JADE2: variants seen among roughly 807,000 people sequenced by gnomAD.
JADE2 encodes jade family PHD finger 2.
A neutral mutation model predicts 85.7 loss-of-function variants in JADE2; 13 were observed. The ratio of observed to expected loss-of-function variants is 0.15; its 90% CI spans 0.10 to 0.24. The LOEUF (loss-of-function observed/expected upper bound fraction) is 0.24. Ranked by LOEUF, JADE2 falls within the 10% of genes least tolerant of loss-of-function variation. The pLI, the probability that JADE2 is intolerant of heterozygous loss-of-function variation, is 1.00. For missense variants in JADE2, 846 were observed against 1,115.9 expected (o/e 0.76, Z 3.45); for synonymous variants, 440 against 456.1 (o/e 0.96, Z 0.45).
chr5:134,566,325 C>G lies in JADE2; in HGVS notation c.1179C>G (p.Arg393=). 1 of 1,614,048 alleles carries G rather than the reference C, an allele frequency of 6.2e-7. No individual in the cohort carries two copies. Among genetic ancestry groups the G allele is most frequent in the Non-Finnish European group, 8.5e-7 (1 of 1,180,026 alleles). ...AGEDLEKVTL[R]KQRLQQLEED... ...AGGACCTGGAAAAGGTGACCCTGCG[C>G]AAGCAGCGGCTGCAGCAGCTAGAGG... The change falls in exon 9 of 12, where the codon CGC becomes CGG. Residue 393 remains arginine (R), a synonymous_variant. Coordinates refer to ENST00000681547, the MANE Select transcript of JADE2 (RefSeq NM_001388185.1). The surrounding 1 kb of genome is among the most constrained non-coding windows in gnomAD (Gnocchi z 6.7).
intron 1 of JADE2, among the ~76,000 whole-genome samples, chr5:134,531,837 G>A (rs1322905845): frequency 7.1e-6 from 1 of 140,038 alleles, no homozygotes; most frequent in African/African-American, 2.6e-5. Context: ...CACCCACTTT[G>A]GTCTCCCAAA....
At chr5:134,571,484 G>A (rs1373076771) in intron 9 of JADE2, among the ~76,000 whole-genome samples, 2 of 152,186 alleles carry the variant, frequency 1.3e-5, no homozygotes, top group Non-Finnish European at 2.9e-5. Context: ...GGATCAGGAG[G>A]TCAGGAGTTC....
At chr5:134,534,015 G>A (rs1384804964) in intron 1 of JADE2, among the ~76,000 whole-genome samples, 1 of 152,108 alleles carries the variant, frequency 6.6e-6, no homozygotes, top group Non-Finnish European at 1.5e-5. Context: ...CAAAGTGCTG[G>A]GATTACAGGT....
chr5:134,572,096 G>A (rs1466055119), intron 9 of JADE2, among the ~76,000 whole-genome samples: 1 of 152,280 alleles, frequency 6.6e-6, no homozygotes, highest in Non-Finnish European at 1.5e-5. Flanking sequence ...GCTTAAGGGT[G>A]TGGGGGAAGG....
rs377699524 is a variant in JADE2, at chr5:134,557,237, G to T, written c.312-2593G>T. 1.3e-3 allele frequency among the ~76,000 whole-genome samples: 173 copies of T among 129,492 alleles called. 1 individual carries two copies. The East Asian group carries it at 0.022, about 17-fold the overall frequency. The allele number at this position is 129,492 out of a possible 152,430, so 85.0% of individuals were successfully genotyped here. ...GATGATGATGATTATTATTTTTTTT[G>T]TTGTTGTTGTTTTCAAGCTTTTATT... On this transcript the variant is annotated intron_variant, in intron 4 of 11. Transcript: ENST00000681547.
chr5:134,527,063 C>T (rs1190606128), intron 1 of JADE2, among the ~76,000 whole-genome samples: 1 of 152,178 alleles, frequency 6.6e-6, no homozygotes, highest in Non-Finnish European at 1.5e-5. Flanking sequence ...TTGTGGCGGA[C>T]CCCGTTTGGG....
chr5:134,576,761 GAC>G lies in JADE2; in HGVS notation c.1553-3_1553-2del. ...TCTCCCTCCTCCTCTCACTTTCCCT[GAC>G]ACAGAGCGGTCTGGGAGGAGAGCAA... On this transcript the variant is annotated splice_region_variant and splice_polypyrimidine_tract_variant and intron_variant, in intron 10 of 11. Transcript: ENST00000681547. 6.4e-7 allele frequency: 1 copy of G among 1,550,556 alleles called. No individual in the cohort carries two copies. Among genetic ancestry groups the G allele is most frequent in the South Asian group, 1.2e-5 (1 of 84,054 alleles).
intron 1 of JADE2, among the ~76,000 whole-genome samples, chr5:134,528,514 T>C (rs1761028936): frequency 2.0e-5 from 3 of 152,160 alleles, no homozygotes; most frequent in African/African-American, 7.2e-5. Context: ...GCTTTCATGT[T>C]TAAGAGATGC....
Position 134,579,306 on chromosome 5 carries a change from C to T in JADE2, c.2494C>T (p.Leu832=), listed in dbSNP as rs778152616. ...GAEEVVRMGV[L]AS Reference sequence around the variant, plus strand: ...AGAGGAGGTGGTCCGCATGGGCGTACTGGCCTCCTAACTCACCCCCTTCCC... The same window carrying T: ...AGAGGAGGTGGTCCGCATGGGCGTATTGGCCTCCTAACTCACCCCCTTCCC... The change falls in exon 12 of 12, where the codon CTG becomes TTG. Residue 832 remains leucine (L), a synonymous_variant. Coordinates refer to ENST00000681547, the MANE Select transcript of JADE2 (RefSeq NM_001388185.1). The surrounding 1 kb of genome is among the most constrained non-coding windows in gnomAD (Gnocchi z 4.6). 9 of 1,601,326 alleles carry T rather than the reference C, an allele frequency of 5.6e-6. No individual in the cohort carries two copies. In the East Asian group the frequency reaches 1.6e-4, roughly 28 times the overall value.
At chr5:134,576,737 C>T (rs1764389890) in intron 10 of JADE2, 31 bp from the exon 11 acceptor site, 1 of 1,550,324 alleles carries the variant, frequency 6.5e-7, no homozygotes. Flanking sequence ...GGGTAACCAT[C>T]TCCCTCCTCC....
intron 9 of JADE2, among the ~76,000 whole-genome samples, chr5:134,567,991 C>G (rs1763753428): frequency 6.6e-6 from 1 of 152,210 alleles, no homozygotes. Context: ...GGGACCGAAG[C>G]TGCTTCCAGA....
At chr5:134,558,829 C>T (rs1301654191) in intron 4 of JADE2, among the ~76,000 whole-genome samples, 3 of 152,242 alleles carry the variant, frequency 2.0e-5, no homozygotes, top group East Asian at 1.9e-4. Context: ...TGAGCCACCA[C>T]GCCCAGCCTG....
In JADE2 at chr5:134,573,685, C is replaced by G; in HGVS notation, c.1475C>G (p.Thr492Arg). 1.9e-6 allele frequency: 3 copies of G among 1,613,764 alleles called. No individual in the cohort carries two copies. Among genetic ancestry groups the G allele is most frequent in the Non-Finnish European group, 2.5e-6 (3 of 1,179,642 alleles). Residue 492 changes from threonine to arginine, a missense_variant, in exon 10 of 12, where the codon ACG becomes AGG. Physicochemically the swap from Thr to Arg is moderately conservative, Grantham distance 71. Around this residue, in one of 9 missense-constraint regions of JADE2, gnomAD observed 119 missense variants for 163.9 expected, o/e 0.73. Coordinates refer to ENST00000681547, the MANE Select transcript of JADE2 (RefSeq NM_001388185.1). ...TACATGGTGACAAGGCGCGAGAGAA[C>G]GAAACACGCCATCTGCAAACTCCAG... ...LCYMVTRRER[T>R]KHAICKLQEQ...
chr5:134,560,614 C>T, intron 5 of JADE2, 132 bp from the exon 6 acceptor site: 1 of 718,048 alleles, frequency 1.4e-6, no homozygotes, highest in Non-Finnish European at 2.3e-6. Context: ...TCTCCCAGGT[C>T]CAACAGTGGG....
rs1764592109 is a variant in JADE2 at position 134,579,416 on chromosome 5, C to T, written c.*99C>T. ...CCAGTCTCTGCTGAGTGTCCCAGAC[C>T]CTCGAGGCTGCCACTCCGTCGTGGT... On this transcript the variant is annotated 3_prime_UTR_variant, in exon 12 of 12. Coordinates refer to ENST00000681547, the MANE Select transcript of JADE2 (RefSeq NM_001388185.1). The surrounding 1 kb of genome is among the most constrained non-coding windows in gnomAD (Gnocchi z 4.6). 1.1e-6 allele frequency: 1 copy of T among 932,164 alleles called. No individual in the cohort carries two copies. Among genetic ancestry groups the T allele is most frequent in the East Asian group, 2.6e-5 (1 of 37,806 alleles). 57.7% of individuals were successfully genotyped at this position (932,164 alleles called of 1,614,324 possible).
chr5:134,560,371 G>A (rs939956856), intron 5 of JADE2, among the ~76,000 whole-genome samples: 2 of 152,166 alleles, frequency 1.3e-5, no homozygotes, highest in Non-Finnish European at 2.9e-5. Flanking sequence ...ATGTGTCCCA[G>A]GAAGGGTTAA....
In JADE2 at chr5:134,582,996, A is replaced by G. The variant is rs1245396854; in HGVS notation, c.*3679A>G. The G allele has an allele frequency of 6.6e-6, 1 of 152,640 alleles. No individual in the cohort carries two copies. Among genetic ancestry groups the G allele is most frequent in the Non-Finnish European group, 1.5e-5 (1 of 68,040 alleles). The allele number at this position is 152,640 out of a possible 1,614,324, so 9.5% of individuals were successfully genotyped here. Reference sequence around the variant, plus strand: ...TATTTCTCCTTTTTGTACATTGTCCATGTGCGCAACCCTTAACGAGCAATA... The same window carrying G: ...TATTTCTCCTTTTTGTACATTGTCCGTGTGCGCAACCCTTAACGAGCAATA... On this transcript the variant is annotated 3_prime_UTR_variant, in exon 12 of 12. Coordinates refer to ENST00000681547, the MANE Select transcript of JADE2 (RefSeq NM_001388185.1).
chr5:134,534,258 C>T (rs969587730), intron 1 of JADE2, among the ~76,000 whole-genome samples: 2 of 152,112 alleles, frequency 1.3e-5, no homozygotes, highest in Non-Finnish European at 2.9e-5. Context: ...AAGGGCTGCT[C>T]TAGGGACTCG....
At chr5:134,573,865 G>A (rs560217351) in intron 10 of JADE2, 103 bp downstream of exon 10, 13 of 818,682 alleles carry the variant, frequency 1.6e-5, no homozygotes, top group South Asian at 2.7e-5. Flanking sequence ...GGGTATGTGC[G>A]TGGAGCCAAG....
Sources: gnomAD v4.1 joint callset for allele counts (sites outside exome capture counted in the v4.1 genomes callset) on GRCh38, gnomAD v4.1.1 for gene constraint, gnomAD v4.1.1 regional missense constraint, Gnocchi (gnomAD v3.1) non-coding constraint, MANE v1.5 for transcripts, NCBI Gene and HGNC (gene_info 2026-07-23, HGNC 2026-07-21) for gene names.